Variants in CDC42SE2 observed in about 807,000 individuals in gnomAD.
CDC42SE2 encodes CDC42 small effector protein 2.
A neutral mutation model predicts 11.5 loss-of-function variants in CDC42SE2; 3 were observed. The observed-to-expected ratio is 0.26, with a 90% confidence interval of 0.12 to 0.67. The LOEUF is 0.67. CDC42SE2 is among the 30% of genes least tolerant of loss of function. The pLI is 0.80. For missense variants in CDC42SE2, 82 were observed against 106.8 expected, an observed-to-expected ratio of 0.77 and a Z score of 1.02; for synonymous variants, 33 against 34.8, an observed-to-expected ratio of 0.95 and a Z score of 0.18.
the CDC42SE2 span, among the ~76,000 whole-genome samples, chr5:131,213,534 A>C: frequency 6.6e-6 from 1 of 152,066 alleles, no homozygotes. Flanking sequence ...CTGCGGCCTT[A>C]ACCTCCTGGG....
At chr5:131,347,782 C>T (rs10065842) in intron 2 of CDC42SE2, among the ~76,000 whole-genome samples, 4,765 of 152,168 alleles carry the variant, frequency 0.031, 191 homozygotes, top group African/African-American at 0.094. Context: ...CCAGCAGCAC[C>T]TCAAAAAGCT....
the CDC42SE2 span, among the ~76,000 whole-genome samples, chr5:131,230,269 T>C: frequency 2.0e-5 from 3 of 152,232 alleles, no homozygotes; most frequent in African/African-American, 4.8e-5. Context: ...ATCTTTGTCC[T>C]GTACTTGTCT....
At chr5:131,388,263 G>A (rs1750548475) in intron 4 of CDC42SE2, among the ~76,000 whole-genome samples, 1 of 152,206 alleles carries the variant, frequency 6.6e-6, no homozygotes, top group Admixed American at 6.5e-5. Context: ...CCAAAGTGTT[G>A]GGATTACAGC....
At chr5:131,225,866 G>T in the CDC42SE2 span, among the ~76,000 whole-genome samples, 2,596 of 152,290 alleles carry the variant, frequency 0.017, 80 homozygotes, top group African/African-American at 0.059. Context: ...TACCAATTGT[G>T]ATTGATAAAA....
chr5:131,321,641 G>C (rs1006639549), intron 2 of CDC42SE2, among the ~76,000 whole-genome samples: 2 of 152,122 alleles, frequency 1.3e-5, no homozygotes, highest in African/African-American at 4.8e-5. Flanking sequence ...GGCTACACAA[G>C]AAGCTAATAT....
intron 2 of CDC42SE2, among the ~76,000 whole-genome samples, chr5:131,323,024 A>AT (rs888320367): frequency 4.0e-4 from 61 of 151,008 alleles, no homozygotes; most frequent in South Asian, 1.7e-3. Flanking sequence ...GATCCCAAAT[A>AT]TTTTTTTTTC....
intron 3 of CDC42SE2, among the ~76,000 whole-genome samples, chr5:131,369,080 T>C (rs1749942073): frequency 6.6e-6 from 1 of 152,252 alleles, no homozygotes; most frequent in Non-Finnish European, 1.5e-5. Flanking sequence ...CTGATTTTTA[T>C]GGTAATCACT....
chr5:131,308,110 T>G (rs567269484), intron 1 of CDC42SE2, among the ~76,000 whole-genome samples: 1 of 152,184 alleles, frequency 6.6e-6, no homozygotes, highest in Non-Finnish European at 1.5e-5. Context: ...CCATCTTGAA[T>G]TGATTTTTGT....
At chr5:131,363,944 C>G (rs897779765) in intron 3 of CDC42SE2, among the ~76,000 whole-genome samples, 1 of 152,192 alleles carries the variant, frequency 6.6e-6, no homozygotes, top group Non-Finnish European at 1.5e-5. Flanking sequence ...ATCCTCCTGC[C>G]TCAGCCTTCC....
intron 2 of CDC42SE2, among the ~76,000 whole-genome samples, chr5:131,323,120 G>T (rs1758226580): frequency 6.6e-6 from 1 of 151,646 alleles, no homozygotes; most frequent in South Asian, 2.1e-4. Context: ...TCAACCTTCT[G>T]GGCTGAAGCA....
rs148843254 is a variant in CDC42SE2 at position 131,300,229 on chromosome 5, T to C, written c.-454-15747T>C. On this transcript the variant is annotated intron_variant, in intron 1 of 4. Coordinates refer to ENST00000505065, the MANE Select transcript of CDC42SE2 (RefSeq NM_001375635.1). ...AAAAACATGCCATTACTGAGGAGTTTAGGACCACAGAACCTGGACTTGCAG... is the reference window on the plus strand; with the variant it reads ...AAAAACATGCCATTACTGAGGAGTTCAGGACCACAGAACCTGGACTTGCAG... 8.5e-5 allele frequency among the ~76,000 whole-genome samples: 13 copies of C among 152,230 alleles called. No individual in the cohort carries two copies. The South Asian group carries it at 1.0e-3, about 12-fold the overall frequency.
chr5:131,350,096 T>C (rs1334384348), intron 2 of CDC42SE2, among the ~76,000 whole-genome samples: 1 of 152,058 alleles, frequency 6.6e-6, no homozygotes, highest in East Asian at 1.9e-4. Context: ...ATCAAATATA[T>C]TTGTTTAATG....
At chr5:131,310,727 TG>T (rs1255413582) in intron 1 of CDC42SE2, among the ~76,000 whole-genome samples, 1 of 152,178 alleles carries the variant, frequency 6.6e-6, no homozygotes, top group African/African-American at 2.4e-5. Flanking sequence ...TGATTTTTGA[TG>T]GTTTAAAGTC....
At chr5:131,238,212 C>T in the CDC42SE2 span, among the ~76,000 whole-genome samples, 7 of 151,762 alleles carry the variant, frequency 4.6e-5, no homozygotes, top group African/African-American at 7.3e-5. Context: ...ACCTAGATGA[C>T]GGGGGCGGGG....
intron 1 of CDC42SE2, among the ~76,000 whole-genome samples, chr5:131,271,728 C>T (rs1009205802): frequency 3.9e-5 from 6 of 152,294 alleles, no homozygotes; most frequent in Admixed American, 2.0e-4. Flanking sequence ...TCCATGTCCT[C>T]ACTGGAGTAT....
chr5:131,216,320 G>T, the CDC42SE2 span, among the ~76,000 whole-genome samples: 1 of 151,860 alleles, frequency 6.6e-6, no homozygotes, highest in Non-Finnish European at 1.5e-5. Flanking sequence ...AGTATAGAGA[G>T]ACCTGTCTCT....
At chr5:131,312,523 G>T (rs933883900) in intron 1 of CDC42SE2, among the ~76,000 whole-genome samples, 1 of 152,154 alleles carries the variant, frequency 6.6e-6, no homozygotes, top group Non-Finnish European at 1.5e-5. Context: ...GCAATGGTGG[G>T]TGCCCCTCCC....
At chr5:131,266,694 G>T (rs1756873714) in intron 1 of CDC42SE2, among the ~76,000 whole-genome samples, 1 of 152,054 alleles carries the variant, frequency 6.6e-6, no homozygotes, top group Non-Finnish European at 1.5e-5. Flanking sequence ...CTGGTCTCAA[G>T]TGATCTGCCC....
chr5:131,297,011 T>G (rs902145678), intron 1 of CDC42SE2, among the ~76,000 whole-genome samples: 1 of 152,146 alleles, frequency 6.6e-6, no homozygotes, highest in African/African-American at 2.4e-5. Flanking sequence ...TTGATGAAAG[T>G]AGAATGTTTT....
Sources: gnomAD v4.1 joint callset for allele counts (sites outside exome capture counted in the v4.1 genomes callset) on GRCh38, gnomAD v4.1.1 for gene constraint, MANE v1.5 for transcripts, NCBI Gene and HGNC (gene_info 2026-07-23, HGNC 2026-07-21) for gene names.